The following AGBL4 variants were observed in gnomAD, a reference collection of about 807,000 sequenced individuals.
AGBL4 encodes cytosolic carboxypeptidase 6.
AGBL4 carries 58 observed loss-of-function variants against 66.4 expected under a neutral mutation model. That is an observed-to-expected ratio of 0.87 (90% CI 0.71 to 1.09). The LOEUF (loss-of-function observed/expected upper bound fraction) is 1.09, where lower values mean the gene tolerates loss of function less well. AGBL4 is among the 50% of genes least tolerant of loss of function. The probability of loss-of-function intolerance (pLI) is 0.00; values close to 1 mark genes in which losing one functional copy is unlikely to be tolerated. For missense variants in AGBL4, 579 were observed against 631.0 expected, an observed-to-expected ratio of 0.92 and a Z score of 0.88; for synonymous variants, 234 against 222.9, an observed-to-expected ratio of 1.05 and a Z score of -0.44.
chr1:49,553,339 T>C (rs952026083), intron 3 of AGBL4, among the ~76,000 whole-genome samples: 4 of 152,182 alleles, frequency 2.6e-5, no homozygotes, highest in Non-Finnish European at 5.9e-5. Context: ...TAGTGAAACA[T>C]CCTAAACTCA....
At chr1:49,948,034 A>G (rs1655500747) in intron 1 of AGBL4, among the ~76,000 whole-genome samples, 1 of 21,976 alleles carries the variant, frequency 4.6e-5, no homozygotes, top group Non-Finnish European at 8.6e-5. Flanking sequence ...ATAAATATAT[A>G]TACATATAAA....
intron 3 of AGBL4, among the ~76,000 whole-genome samples, chr1:49,307,577 A>G (rs1037093301): frequency 8.5e-5 from 13 of 152,170 alleles, no homozygotes; most frequent in Non-Finnish European, 1.6e-4. Context: ...AACATAGAAC[A>G]TATTTATGTA....
chr1:48,972,899 A>C (rs1249154425), intron 5 of AGBL4, among the ~76,000 whole-genome samples: 1 of 152,202 alleles, frequency 6.6e-6, no homozygotes, highest in Non-Finnish European at 1.5e-5. Flanking sequence ...AACAATTAGA[A>C]GACTCTTATT....
chr1:48,653,027 C>G (rs1360224665), intron 8 of AGBL4, among the ~76,000 whole-genome samples: 1 of 152,132 alleles, frequency 6.6e-6, no homozygotes, highest in East Asian at 1.9e-4. Flanking sequence ...GCAAGAGAAA[C>G]TGAGCCCAGA....
chr1:49,165,218 C>A (rs989166056), intron 4 of AGBL4, among the ~76,000 whole-genome samples: 1 of 150,916 alleles, frequency 6.6e-6, no homozygotes, highest in Non-Finnish European at 1.5e-5. Context: ...AGCAAAGGCA[C>A]GAAGGAAGAA....
At chr1:49,777,941 C>T (rs774993526) in intron 2 of AGBL4, among the ~76,000 whole-genome samples, 2 of 152,190 alleles carry the variant, frequency 1.3e-5, no homozygotes, top group African/African-American at 2.4e-5. Context: ...CAGCAAAAGC[C>T]TGTAGTATTT....
intron 5 of AGBL4, among the ~76,000 whole-genome samples, chr1:48,912,039 T>A (rs1424049064): frequency 6.6e-6 from 1 of 152,212 alleles, no homozygotes; most frequent in Non-Finnish European, 1.5e-5. Flanking sequence ...AATTCACTCA[T>A]TCACTCATTC....
rs904390026 is a variant in AGBL4, at chr1:48,946,636, T to C, written c.595-79406A>G. On this transcript the variant is annotated intron_variant, in intron 5 of 13. Transcript: ENST00000371839. ...GTTAGCTCACTCTGTGTCGGGTTCC[T>C]TCCATAAGCACTTGGTGCCAGGTCT... 2.0e-5 allele frequency among the ~76,000 whole-genome samples: 3 copies of C among 152,222 alleles called. No homozygotes were observed. The South Asian group carries it at 6.2e-4, about 31-fold the overall frequency.
At chr1:49,625,677 T>C (rs1005785254) in intron 3 of AGBL4, among the ~76,000 whole-genome samples, 3 of 152,168 alleles carry the variant, frequency 2.0e-5, no homozygotes, top group African/African-American at 7.2e-5. Flanking sequence ...AGCCAATAGT[T>C]CATTATAAAC....
intron 2 of AGBL4, among the ~76,000 whole-genome samples, chr1:49,712,431 T>C (rs1571384208): frequency 6.6e-6 from 1 of 151,672 alleles, no homozygotes; most frequent in South Asian, 2.1e-4. Flanking sequence ...GAATGGCAGT[T>C]ACCAGAGATG....
chr1:49,424,345 C>T (rs1645612109), intron 3 of AGBL4, among the ~76,000 whole-genome samples: 1 of 152,192 alleles, frequency 6.6e-6, no homozygotes, highest in African/African-American at 2.4e-5. Context: ...ATTGCCTTCA[C>T]TAGAAGGTAG....
chr1:48,916,547 G>GACAC (rs141195869), intron 5 of AGBL4, among the ~76,000 whole-genome samples: 158 of 150,176 alleles, frequency 1.1e-3, no homozygotes, highest in Middle Eastern at 0.01. Context: ...GTGTGTGTGT[G>GACAC]ACACACACAC....
At chr1:49,339,034 G>A (rs1023732834) in intron 3 of AGBL4, among the ~76,000 whole-genome samples, 1 of 152,022 alleles carries the variant, frequency 6.6e-6, no homozygotes, top group Non-Finnish European at 1.5e-5. Flanking sequence ...TTACTTAAGG[G>A]ACTAATGACG....
chr1:48,655,039 G>A (rs568156662), intron 7 of AGBL4, among the ~76,000 whole-genome samples: 21 of 152,306 alleles, frequency 1.4e-4, no homozygotes, highest in Admixed American at 3.3e-4. Flanking sequence ...TGGCCACACC[G>A]CCTCAGAGAA....
intron 3 of AGBL4, among the ~76,000 whole-genome samples, chr1:49,433,012 A>T (rs1048206038): frequency 6.6e-6 from 1 of 152,108 alleles, no homozygotes; most frequent in East Asian, 1.9e-4. Flanking sequence ...CCTCCAAAAA[A>T]CCCAAAGGGA....
intron 4 of AGBL4, among the ~76,000 whole-genome samples, chr1:49,148,265 C>T (rs1646258996): frequency 6.6e-6 from 1 of 152,122 alleles, no homozygotes; most frequent in African/African-American, 2.4e-5. Context: ...ATGTGAGGAG[C>T]ATGTCACTGG....
chr1:48,619,806 G>A (rs886109075), intron 9 of AGBL4, among the ~76,000 whole-genome samples: 5 of 152,124 alleles, frequency 3.3e-5, no homozygotes, highest in Admixed American at 6.5e-5. Flanking sequence ...GGGGGCTGCT[G>A]TGTACAGTGG....
At chr1:48,776,586 C>G (rs945943194) in intron 6 of AGBL4, 22 of 1,412,314 alleles carry the variant, frequency 1.6e-5, no homozygotes, top group Non-Finnish European at 1.9e-5. Flanking sequence ...CCCACCGTCC[C>G]TCCCCGCCCG....
At chr1:49,794,394 T>A (rs1052914395) in intron 2 of AGBL4, among the ~76,000 whole-genome samples, 1 of 151,958 alleles carries the variant, frequency 6.6e-6, no homozygotes, top group African/African-American at 2.4e-5. Context: ...AATTTACCTA[T>A]GCAATTCATT....
Sources: gnomAD v4.1 joint callset for allele counts (sites outside exome capture counted in the v4.1 genomes callset) on GRCh38, gnomAD v4.1.1 for gene constraint, MANE v1.5 for transcripts, NCBI Gene and HGNC (gene_info 2026-07-23, HGNC 2026-07-21) for gene names.